Variants in ZCCHC7 observed in about 807,000 individuals in gnomAD.
ZCCHC7 encodes zinc finger CCHC domain-containing protein 7.
A neutral mutation model predicts 52.0 loss-of-function variants in ZCCHC7; 35 were observed. The ratio of observed to expected loss-of-function variants is 0.67; its 90% CI spans 0.51 to 0.89. ZCCHC7 has a LOEUF of 0.89. ZCCHC7 is among the 40% of genes least tolerant of loss of function. ZCCHC7 has a pLI of 0.00. For missense variants in ZCCHC7, 574 were observed against 649.1 expected, an observed-to-expected ratio of 0.88 and a Z score of 1.26; for synonymous variants, 217 against 221.5, an observed-to-expected ratio of 0.98 and a Z score of 0.18.
chr9:37,136,320 ATTTTGAT>A (rs1250842002), intron 2 of ZCCHC7, among the ~76,000 whole-genome samples: 2 of 152,236 alleles, frequency 1.3e-5, no homozygotes, highest in Non-Finnish European at 2.9e-5. Flanking sequence ...ACAGGAAAAT[ATTTTGAT>A]AAAAGTCTTC....
At chr9:37,171,135 T>G (rs1821705638) in intron 2 of ZCCHC7, among the ~76,000 whole-genome samples, 2 of 152,224 alleles carry the variant, frequency 1.3e-5, no homozygotes, top group Admixed American at 1.3e-4. Flanking sequence ...GGGGTAAAAT[T>G]GGAAGCGACA....
At chr9:37,213,993 A>G (rs543395319) in intron 2 of ZCCHC7, among the ~76,000 whole-genome samples, 330 of 151,900 alleles carry the variant, frequency 2.2e-3, no homozygotes, top group African/African-American at 6.9e-3. Flanking sequence ...GATTCGCTCA[A>G]TGGTGTGTAT....
At chr9:37,142,697 A>T (rs1197866977) in intron 2 of ZCCHC7, among the ~76,000 whole-genome samples, 3 of 151,732 alleles carry the variant, frequency 2.0e-5, no homozygotes, top group African/African-American at 4.8e-5. Flanking sequence ...GATTATAGTT[A>T]TATAGGCTTC....
At chr9:37,226,804 G>C (rs1825128977) in intron 2 of ZCCHC7, among the ~76,000 whole-genome samples, 1 of 152,154 alleles carries the variant, frequency 6.6e-6, no homozygotes, top group Non-Finnish European at 1.5e-5. Flanking sequence ...ACCGAGGCGG[G>C]TGGATCACGA....
intron 6 of ZCCHC7, among the ~76,000 whole-genome samples, chr9:37,349,024 T>A (rs942645154): frequency 1.3e-5 from 2 of 152,224 alleles, no homozygotes; most frequent in Non-Finnish European, 2.9e-5. Flanking sequence ...CATACTACTG[T>A]CACTGTATTG....
intron 2 of ZCCHC7, among the ~76,000 whole-genome samples, chr9:37,135,211 TAATA>T (rs1278662135): frequency 6.6e-6 from 1 of 152,222 alleles, no homozygotes; most frequent in Non-Finnish European, 1.5e-5. Context: ...ATTAGGCATG[TAATA>T]AATACTTTTT....
intron 2 of ZCCHC7, among the ~76,000 whole-genome samples, chr9:37,138,286 C>T (rs1055866966): frequency 1.3e-5 from 2 of 152,188 alleles, no homozygotes; most frequent in East Asian, 1.9e-4. Flanking sequence ...TTGAAGAAAG[C>T]TTTTTATGGC....
chr9:37,323,847 T>G (rs545125108), intron 5 of ZCCHC7, among the ~76,000 whole-genome samples: 39 of 152,288 alleles, frequency 2.6e-4, no homozygotes, highest in African/African-American at 9.1e-4. Flanking sequence ...TGAGGAATAG[T>G]GTATATGCCA....
At chr9:37,243,994 C>T (rs566632206) in intron 2 of ZCCHC7, among the ~76,000 whole-genome samples, 2 of 151,894 alleles carry the variant, frequency 1.3e-5, no homozygotes, top group African/African-American at 4.8e-5. Flanking sequence ...TACATCTTGA[C>T]TCATTTTATT....
At chr9:37,252,954 C>G (rs1826401607) in intron 2 of ZCCHC7, among the ~76,000 whole-genome samples, 1 of 152,030 alleles carries the variant, frequency 6.6e-6, no homozygotes, top group Non-Finnish European at 1.5e-5. Flanking sequence ...TAATTTCACA[C>G]CTTTATTGAA....
intron 2 of ZCCHC7, among the ~76,000 whole-genome samples, chr9:37,159,896 A>G (rs2132890559): frequency 6.6e-6 from 1 of 152,374 alleles, no homozygotes; most frequent in Non-Finnish European, 1.5e-5. Context: ...TAACCTGTTT[A>G]TAACATAGAC....
intron 2 of ZCCHC7, among the ~76,000 whole-genome samples, chr9:37,205,996 G>A (rs1823888534): frequency 1.3e-5 from 2 of 151,210 alleles, no homozygotes; most frequent in South Asian, 4.2e-4. Flanking sequence ...ATTATTAAAT[G>A]TTTCTCTTTA....
At chr9:37,264,536 A>G (rs1186998258) in intron 2 of ZCCHC7, among the ~76,000 whole-genome samples, 1 of 151,926 alleles carries the variant, frequency 6.6e-6, no homozygotes, top group Non-Finnish European at 1.5e-5. Flanking sequence ...TTGTGAACAC[A>G]CCACAGCAGA....
intron 2 of ZCCHC7, among the ~76,000 whole-genome samples, chr9:37,134,759 C>G (rs1842929658): frequency 1.3e-5 from 2 of 152,110 alleles, no homozygotes; most frequent in Admixed American, 1.3e-4. Context: ...GAATTTCGCT[C>G]TTGTTGCCCA....
Position 37,210,732 on chromosome 9 carries a change from A to G in ZCCHC7, c.610+83790A>G, listed in dbSNP as rs991585785. Among the ~76,000 whole-genome samples the G allele has an allele frequency of 2.0e-5, 3 of 152,198 alleles. No individual in the cohort carries two copies. In the East Asian group the frequency reaches 5.8e-4, roughly 29 times the overall value. On this transcript the variant is annotated intron_variant, in intron 2 of 8. Transcript: ENST00000336755. Reference sequence around the variant, plus strand: ...TACCCTATTCCACTGGTTTCTAAACAGGTTTTTTTTGAAGCCTCTTAGGCA... The same window carrying G: ...TACCCTATTCCACTGGTTTCTAAACGGGTTTTTTTTGAAGCCTCTTAGGCA...
At chr9:37,247,386 C>A (rs890832309) in intron 2 of ZCCHC7, among the ~76,000 whole-genome samples, 1 of 152,102 alleles carries the variant, frequency 6.6e-6, no homozygotes, top group Non-Finnish European at 1.5e-5. Context: ...AGCAAAAAAC[C>A]ATTTCAATGA....
intron 2 of ZCCHC7, among the ~76,000 whole-genome samples, chr9:37,237,989 C>T (rs1051640135): frequency 5.9e-5 from 9 of 152,018 alleles, no homozygotes; most frequent in East Asian, 1.9e-4. Context: ...TTTGAATCAA[C>T]GGATCACATT....
intron 2 of ZCCHC7, among the ~76,000 whole-genome samples, chr9:37,261,038 A>G (rs1279155070): frequency 6.6e-6 from 1 of 152,152 alleles, no homozygotes; most frequent in African/African-American, 2.4e-5. Flanking sequence ...TTTAGCTCTC[A>G]CCACTGGCTG....
chr9:37,131,858 G>A (rs776160697), intron 2 of ZCCHC7, among the ~76,000 whole-genome samples: 3 of 151,966 alleles, frequency 2.0e-5, no homozygotes, highest in African/African-American at 4.8e-5. Context: ...AGCCTTCCTC[G>A]GTGCATATAG....
Sources: gnomAD v4.1 joint callset for allele counts (sites outside exome capture counted in the v4.1 genomes callset) on GRCh38, gnomAD v4.1.1 for gene constraint, MANE v1.5 for transcripts, NCBI Gene and HGNC (gene_info 2026-07-23, HGNC 2026-07-21) for gene names.